Variants in ZMYM2 observed in about 807,000 individuals in gnomAD.
The protein encoded by ZMYM2 is zinc finger MYM-type protein 2.
In ZMYM2, 56 loss-of-function variants were observed where a neutral mutation model predicts 162.8. That is an observed-to-expected ratio of 0.34 (90% CI 0.28 to 0.43). The LOEUF (loss-of-function observed/expected upper bound fraction) is 0.43. Among genes scored for constraint, ZMYM2 ranks in the 20% least tolerant of loss-of-function variants. The pLI, the probability that ZMYM2 is intolerant of heterozygous loss-of-function variation, is 1.00. For synonymous variants in ZMYM2, 510 were observed against 541.6 expected (o/e 0.94, Z 0.81); for missense variants, 1,275 against 1,621.8 (o/e 0.79, Z 3.67).
intron 18 of ZMYM2, 28 bp from the exon 19 acceptor site, chr13:20,064,422 TA>T (rs1359168931): frequency 2.6e-6 from 4 of 1,555,514 alleles, no homozygotes; most frequent in Non-Finnish European, 2.6e-6. Flanking sequence ...CTATTTCATT[TA>T]AAATAAAAGT....
chr13:19,893,573 G>A, the ZMYM2 span, among the ~76,000 whole-genome samples: 2,024 of 151,700 alleles, frequency 0.013, 57 homozygotes, highest in African/African-American at 0.036. Context: ...CCCCATCTCT[G>A]CTAAAAATAC....
chr13:20,069,002 G>T (rs1186426530), intron 21 of ZMYM2, among the ~76,000 whole-genome samples: 3 of 152,024 alleles, frequency 2.0e-5, no homozygotes, highest in Non-Finnish European at 4.4e-5. Context: ...AAAATAAGGG[G>T]TTCTCTGCCC....
At chr13:19,908,659 A>G in the ZMYM2 span, among the ~76,000 whole-genome samples, 1 of 152,276 alleles carries the variant, frequency 6.6e-6, no homozygotes, top group East Asian at 1.9e-4. Flanking sequence ...GCCTGGATTT[A>G]TTATTTCACT....
Position 20,002,897 on chromosome 13 carries a change from C to A in ZMYM2, c.895C>A (p.Pro299Thr), listed in dbSNP as rs372928628. The A allele has an allele frequency of 2.5e-6, 4 of 1,614,012 alleles. No individual in the cohort carries two copies. Among genetic ancestry groups the A allele is most frequent in the African/African-American group, 1.3e-5 (1 of 74,906 alleles). The change falls in exon 4 of 25, where the codon CCA becomes ACA. Residue 299 changes from proline to threonine, a missense_variant. Pro to Thr is a conservative substitution (Grantham distance 38, BLOSUM62 -1). This residue lies in a region of ZMYM2 where 115 missense variants were observed against 175.3 expected (regional missense o/e 0.66). Transcript: ENST00000610343. Reference sequence around the variant, plus strand: ...TTCATTTCCCCGTAATCAGAAACAACCAGGGGTGGACTCTTTATCACCAGT... The same window carrying A: ...TTCATTTCCCCGTAATCAGAAACAAACAGGGGTGGACTCTTTATCACCAGT... ...SASFPRNQKQ[P>T]GVDSLSPVAS...
At chr13:19,867,091 G>C in the ZMYM2 span, among the ~76,000 whole-genome samples, 1 of 152,116 alleles carries the variant, frequency 6.6e-6, no homozygotes, top group Non-Finnish European at 1.5e-5. Context: ...GGTGGCTCAC[G>C]CCTGTAATCC....
At chr13:20,037,106 C>T (rs1380183966) in intron 12 of ZMYM2, among the ~76,000 whole-genome samples, 197 bp downstream of exon 12, 1 of 151,282 alleles carries the variant, frequency 6.6e-6, no homozygotes, top group African/African-American at 2.4e-5. Context: ...TTTTTAATAA[C>T]TTAAGCATTA....
At chr13:20,039,061 T>C (rs1390243172) in intron 12 of ZMYM2, among the ~76,000 whole-genome samples, 1 of 152,202 alleles carries the variant, frequency 6.6e-6, no homozygotes, top group South Asian at 2.1e-4. Flanking sequence ...ATTGTGTATC[T>C]AATTTGGCCC....
At chr13:19,983,771 G>A (rs998529083) in intron 2 of ZMYM2, among the ~76,000 whole-genome samples, 8 of 151,994 alleles carry the variant, frequency 5.3e-5, no homozygotes, top group African/African-American at 1.9e-4. Flanking sequence ...TGGGACCACA[G>A]GCGTGCATCA....
intron 6 of ZMYM2, among the ~76,000 whole-genome samples, chr13:20,017,657 G>T: frequency 6.6e-6 from 1 of 150,434 alleles, no homozygotes. Context: ...CTAAGGCTCT[G>T]TTTTACTTTT....
At chr13:19,884,238 G>A in the ZMYM2 span, among the ~76,000 whole-genome samples, 1 of 152,070 alleles carries the variant, frequency 6.6e-6, no homozygotes, top group African/African-American at 2.4e-5. Flanking sequence ...GCACAGTAGG[G>A]TTGTGTCCAG....
chr13:19,998,457 CTA>C (rs1412861006), intron 3 of ZMYM2, among the ~76,000 whole-genome samples: 9 of 152,224 alleles, frequency 5.9e-5, no homozygotes, highest in South Asian at 2.1e-4. Flanking sequence ...CGAGGAGCCA[CTA>C]TTTGTGTGGG....
At chr13:19,868,089 A>G in the ZMYM2 span, among the ~76,000 whole-genome samples, 1 of 152,192 alleles carries the variant, frequency 6.6e-6, no homozygotes, top group Non-Finnish European at 1.5e-5. Flanking sequence ...TCTTTTTCAT[A>G]AAACCCCCAA....
chr13:19,869,746 C>T, the ZMYM2 span, among the ~76,000 whole-genome samples: 1 of 151,952 alleles, frequency 6.6e-6, no homozygotes, highest in Non-Finnish European at 1.5e-5. Flanking sequence ...TGTCATTGTG[C>T]CACTGCATTC....
chr13:19,916,117 T>C, the ZMYM2 span, among the ~76,000 whole-genome samples: 1 of 152,020 alleles, frequency 6.6e-6, no homozygotes, highest in African/African-American at 2.4e-5. Context: ...CACCTCAGCC[T>C]CCCAAATTGC....
At chr13:19,976,890 A>G (rs1162056376) in intron 2 of ZMYM2, among the ~76,000 whole-genome samples, 1 of 152,164 alleles carries the variant, frequency 6.6e-6, no homozygotes, top group Non-Finnish European at 1.5e-5. Flanking sequence ...AGCTATTATC[A>G]TAGAGTTTTG....
the ZMYM2 span, among the ~76,000 whole-genome samples, chr13:19,885,981 GTATATACACATATATA>G: frequency 1.6e-3 from 207 of 129,458 alleles, 80 homozygotes; most frequent in Non-Finnish European, 2.9e-3. Context: ...ACATATATAT[GTATATACACATATATA>G]TGTGTATATA....
At chr13:20,030,574 A>G (rs1388833295) in intron 9 of ZMYM2, among the ~76,000 whole-genome samples, 4 of 151,834 alleles carry the variant, frequency 2.6e-5, no homozygotes, top group Non-Finnish European at 5.9e-5. Flanking sequence ...AATTTTTTGT[A>G]TTTTTAGTAG....
At chr13:19,895,064 G>A in the ZMYM2 span, among the ~76,000 whole-genome samples, 10 of 78,750 alleles carry the variant, frequency 1.3e-4, no homozygotes, top group South Asian at 4.7e-4. Flanking sequence ...GCGAAAGAGC[G>A]AAACTCCATC....
At chr13:19,944,755 C>T in the ZMYM2 span, among the ~76,000 whole-genome samples, 40 of 152,096 alleles carry the variant, frequency 2.6e-4, no homozygotes, top group Admixed American at 1.2e-3. Flanking sequence ...CTTCAACCTC[C>T]GCCTCCCAGA....
Sources: allele counts gnomAD v4.1 joint callset (sites outside exome capture counted in the v4.1 genomes callset), GRCh38; gene constraint gnomAD v4.1.1; regional missense constraint gnomAD v4.1.1; transcripts MANE v1.5; gene names NCBI Gene and HGNC (gene_info 2026-07-23, HGNC 2026-07-21).